Variants in REV1 observed in about 807,000 individuals in gnomAD.
The protein encoded by REV1 is REV1 DNA directed polymerase, also known as translesion synthesis protein REV1.
In REV1, 42 loss-of-function variants were observed where a neutral mutation model predicts 137.4. The ratio of observed to expected loss-of-function variants is 0.31; its 90% CI spans 0.24 to 0.40. REV1 has a LOEUF of 0.40. Ranked by LOEUF, REV1 falls within the 10% of genes least tolerant of loss-of-function variation. The pLI is 1.00. For synonymous variants in REV1, 524 were observed against 519.2 expected (o/e 1.01, Z -0.12); for missense variants, 1,282 against 1,490.1 (o/e 0.86, Z 2.30).
chr2:99,421,283 ATAAG>A (rs778724236), intron 11 of REV1, among the ~76,000 whole-genome samples: 9 of 152,146 alleles, frequency 5.9e-5, no homozygotes, highest in Non-Finnish European at 1.3e-4. Flanking sequence ...TTTTTTAAGA[ATAAG>A]TAAGAAATAT....
At chr2:99,474,665 G>A (rs1358147480) in intron 1 of REV1, among the ~76,000 whole-genome samples, 3 of 152,194 alleles carry the variant, frequency 2.0e-5, no homozygotes, top group Admixed American at 2.0e-4. Context: ...ACTTTGGGAG[G>A]CTGAGGCAGG....
intron 19 of REV1, 119 bp from the exon 20 acceptor site, chr2:99,403,225 T>G (rs1385874195): frequency 3.8e-6 from 3 of 792,952 alleles, no homozygotes; most frequent in Non-Finnish European, 5.8e-6. Flanking sequence ...ACACCTCCCC[T>G]CCTGCCCCAA....
chr2:99,405,041 G>GA (rs1346494930), intron 17 of REV1, among the ~76,000 whole-genome samples: 4 of 152,110 alleles, frequency 2.6e-5, no homozygotes, highest in African/African-American at 4.8e-5. Flanking sequence ...GTGAAGGCCT[G>GA]AGGCACATGT....
rs1332218329 is a variant in REV1 at position 99,400,558 on chromosome 2, C to CCGTT, written c.*679_*682dup. 1.3e-5 allele frequency: 2 copies of CCGTT among 151,984 alleles called. No individual in the cohort carries two copies. The highest frequency in any genetic ancestry group is 2.9e-5 in the Non-Finnish European group (2 of 68,006). The allele number at this position is 151,984 out of a possible 1,614,324, so 9.4% of individuals were successfully genotyped here. A position where few individuals can be genotyped will look rare whatever the true frequency, so the allele number is the denominator to read the frequency against. ...TTTATATACGTTTGAAAAATCTATA[C>CCGTT]CGTTCTTTTTTATCATCAAAGTTTC... On this transcript the variant is annotated 3_prime_UTR_variant, in exon 23 of 23. Transcript: ENST00000258428.
Position 99,429,878 on chromosome 2 carries a change from C to G in REV1, c.1509G>C (p.Leu503Phe). ...TACAAGATGCAATTTCAGCCCTTGACAAAACAGAATCAATTCCATTTGCTT... is the reference window on the plus strand; with the variant it reads ...TACAAGATGCAATTTCAGCCCTTGAGAAAACAGAATCAATTCCATTTGCTT... ...SAQANGIDSV[L>F]SRAEIASCSY... Residue 503 changes from leucine (L) to phenylalanine (F), a missense_variant, in exon 9 of 23, where the codon TTG becomes TTC. Physicochemically the swap from Leu to Phe is conservative, Grantham distance 22. Coordinates refer to ENST00000258428, the MANE Select transcript of REV1 (RefSeq NM_016316.4). 1 of 1,604,972 alleles carries G rather than the reference C, an allele frequency of 6.2e-7. No homozygotes were observed. The highest frequency in any genetic ancestry group is 8.5e-7 in the Non-Finnish European group (1 of 1,175,844).
rs780427542 is a variant in REV1 at position 99,408,137 on chromosome 2, A to G, written c.2346-6T>C. The G allele has an allele frequency of 2.0e-5, 32 of 1,568,186 alleles. No individual in the cohort carries two copies. Among genetic ancestry groups the G allele is most frequent in the Non-Finnish European group, 2.8e-5 (32 of 1,145,870 alleles). ...CCTGGTCAAGAGTTACAGTCCTGTA[A>G]GTGATAGAATTAAAAAACAAAAGCT... On this transcript the variant is annotated splice_polypyrimidine_tract_variant and splice_region_variant and intron_variant, in intron 14 of 22. Coordinates refer to ENST00000258428, the MANE Select transcript of REV1 (RefSeq NM_016316.4).
intron 17 of REV1, chr2:99,405,444 T>G (rs1487590789): frequency 6.5e-6 from 1 of 153,244 alleles, no homozygotes; most frequent in Non-Finnish European, 1.5e-5. Context: ...CCAATATAGC[T>G]TAAGGTGCTA....
chr2:99,408,488 A>C (rs111596602), intron 14 of REV1: 21 of 159,762 alleles, frequency 1.3e-4, no homozygotes, highest in African/African-American at 4.8e-4. Context: ...GGTAAACACA[A>C]TGTTCTTGAT....
intron 1 of REV1, among the ~76,000 whole-genome samples, chr2:99,479,659 A>G (rs1686392903): frequency 1.3e-5 from 2 of 151,996 alleles, no homozygotes; most frequent in African/African-American, 4.8e-5. Context: ...AGAGCCAGGC[A>G]TGGTGGCACA....
intron 2 of REV1, 143 bp downstream of exon 2, chr2:99,464,779 G>A: frequency 1.4e-6 from 1 of 729,580 alleles, no homozygotes. Flanking sequence ...ACATCATAAG[G>A]CTTTCAATAC....
intron 6 of REV1, among the ~76,000 whole-genome samples, chr2:99,437,183 G>A (rs11695422): frequency 0.021 from 3,225 of 151,744 alleles, 58 homozygotes; most frequent in Middle Eastern, 0.068. Context: ...CGGTCTCACT[G>A]TGTTGCCCAG....
intron 3 of REV1, among the ~76,000 whole-genome samples, chr2:99,458,999 G>A (rs1019701980): frequency 2.6e-5 from 4 of 151,972 alleles, no homozygotes; most frequent in Admixed American, 2.6e-4. Flanking sequence ...ACGAGGTCAG[G>A]AGATCAAGAC....
At chr2:99,467,610 G>C (rs963933502) in intron 1 of REV1, among the ~76,000 whole-genome samples, 3 of 152,204 alleles carry the variant, frequency 2.0e-5, no homozygotes, top group African/African-American at 7.2e-5. Context: ...TGCTAGGAGA[G>C]AAAAAGTAGA....
intron 1 of REV1, among the ~76,000 whole-genome samples, chr2:99,468,990 C>T (rs757106472): frequency 1.6e-4 from 24 of 152,238 alleles, no homozygotes; most frequent in Middle Eastern, 3.4e-3. Flanking sequence ...GACTCAAATC[C>T]CAATTCTACG....
intron 1 of REV1, among the ~76,000 whole-genome samples, chr2:99,486,299 G>A (rs996889365): frequency 3.9e-5 from 6 of 152,212 alleles, no homozygotes; most frequent in Non-Finnish European, 7.3e-5. Flanking sequence ...GGAGGCTGAG[G>A]CGGGCGGATC....
intron 22 of REV1, 150 bp downstream of exon 22, chr2:99,402,094 C>G: frequency 1.9e-6 from 1 of 527,880 alleles, no homozygotes; most frequent in South Asian, 2.5e-5. Context: ...ACCTTATTTG[C>G]TACTTAGTCA....
At chr2:99,431,854 G>C in intron 8 of REV1, 3 of 985,404 alleles carry the variant, frequency 3.0e-6, no homozygotes, top group Non-Finnish European at 3.6e-6. Context: ...GCAAAGTAGA[G>C]AACTGCTCAT....
intron 3 of REV1, among the ~76,000 whole-genome samples, chr2:99,452,457 G>A (rs1344081024): frequency 1.3e-5 from 2 of 151,760 alleles, no homozygotes; most frequent in African/African-American, 4.8e-5. Context: ...AAAAAAGGGG[G>A]AGATAATATC....
intron 1 of REV1, among the ~76,000 whole-genome samples, chr2:99,482,196 G>A (rs1686677910): frequency 6.6e-6 from 1 of 152,228 alleles, no homozygotes; most frequent in African/African-American, 2.4e-5. Flanking sequence ...TCCAGATGCT[G>A]TAGAGTAAGT....
Sources: allele counts gnomAD v4.1 joint callset (sites outside exome capture counted in the v4.1 genomes callset), GRCh38; gene constraint gnomAD v4.1.1; transcripts MANE v1.5; gene names NCBI Gene and HGNC (gene_info 2026-07-23, HGNC 2026-07-21).